DLGAP2: variants seen among roughly 807,000 people sequenced by gnomAD.
The protein encoded by DLGAP2 is disks large-associated protein 2.
A neutral mutation model predicts 100.3 loss-of-function variants in DLGAP2; 26 were observed. The ratio of observed to expected loss-of-function variants is 0.26; its 90% CI spans 0.19 to 0.36. DLGAP2 has a LOEUF of 0.36. DLGAP2 is among the 10% of genes least tolerant of loss of function. DLGAP2 has a pLI of 1.00. For synonymous variants in DLGAP2, 886 were observed against 630.1 expected (o/e 1.41, Z -6.08); for missense variants, 1,858 against 1,453.2 (o/e 1.28, Z -4.53).
intron 3 of DLGAP2, among the ~76,000 whole-genome samples, chr8:1,424,914 A>C (rs1226881559): frequency 6.6e-6 from 1 of 152,208 alleles, no homozygotes. Context: ...GCAGAGCTTC[A>C]GTTTGGGAAG....
chr8:1,303,807 C>T (rs2117001919), intron 3 of DLGAP2, among the ~76,000 whole-genome samples: 1 of 152,260 alleles, frequency 6.6e-6, no homozygotes, highest in East Asian at 1.9e-4. Context: ...TCCAGCCCTG[C>T]GCTGCGCTGA....
intron 4 of DLGAP2, among the ~76,000 whole-genome samples, chr8:1,527,891 T>C (rs1398336418): frequency 6.6e-6 from 1 of 152,222 alleles, no homozygotes; most frequent in Non-Finnish European, 1.5e-5. Flanking sequence ...ACAGCTCATC[T>C]TTATGTTCAA....
intron 3 of DLGAP2, among the ~76,000 whole-genome samples, chr8:1,294,987 TGAG>T (rs972219960): frequency 3.9e-5 from 6 of 152,048 alleles, no homozygotes; most frequent in African/African-American, 1.4e-4. Context: ...AAACTTCACT[TGAG>T]GAAAAAAGGA....
chr8:1,413,850 G>C (rs1279359125), intron 3 of DLGAP2, among the ~76,000 whole-genome samples: 1 of 152,244 alleles, frequency 6.6e-6, no homozygotes, highest in Non-Finnish European at 1.5e-5. Flanking sequence ...CCTGAGAAGA[G>C]GCACGTGCAG....
chr8:1,302,105 C>T (rs1429736805), intron 3 of DLGAP2: 1 of 152,314 alleles, frequency 6.6e-6, no homozygotes, highest in Non-Finnish European at 1.5e-5. Flanking sequence ...GAAGCAGAAG[C>T]TCTATAAGTT....
At chr8:1,022,725 C>T (rs1197088676) in intron 2 of DLGAP2, among the ~76,000 whole-genome samples, 7 of 151,138 alleles carry the variant, frequency 4.6e-5, no homozygotes, top group Admixed American at 4.6e-4. Flanking sequence ...CAGTACCGTG[C>T]CGAGGTAGAT....
At chr8:1,481,767 C>T (rs1799103977) in intron 3 of DLGAP2, among the ~76,000 whole-genome samples, 1 of 152,118 alleles carries the variant, frequency 6.6e-6, no homozygotes, top group Non-Finnish European at 1.5e-5. Context: ...CATGAGTCAC[C>T]GCACCAGGCC....
chr8:767,585 GACCTC>G (rs1821248381), intron 1 of DLGAP2, among the ~76,000 whole-genome samples: 1 of 152,106 alleles, frequency 6.6e-6, no homozygotes, highest in African/African-American at 2.4e-5. Context: ...TCGAACTCCT[GACCTC>G]GTGATCCACG....
At chr8:1,429,359 G>C (rs779105632) in intron 3 of DLGAP2, among the ~76,000 whole-genome samples, 1 of 152,096 alleles carries the variant, frequency 6.6e-6, no homozygotes, top group Non-Finnish European at 1.5e-5. Context: ...ATTGGCCTCC[G>C]AATTAAACTT....
At chr8:783,508 C>G (rs1357564008) in intron 1 of DLGAP2, among the ~76,000 whole-genome samples, 1 of 152,204 alleles carries the variant, frequency 6.6e-6, no homozygotes, top group Admixed American at 6.5e-5. Flanking sequence ...TGTGACCTCA[C>G]CTTAGCACAG....
chr8:1,086,310 G>A (rs943400281), intron 2 of DLGAP2, among the ~76,000 whole-genome samples: 1 of 152,170 alleles, frequency 6.6e-6, no homozygotes, highest in African/African-American at 2.4e-5. Flanking sequence ...AATAGAAGTG[G>A]TAAGAGTGGG....
chr8:1,254,073 G>C (rs921872831), intron 2 of DLGAP2, among the ~76,000 whole-genome samples: 1 of 152,200 alleles, frequency 6.6e-6, no homozygotes, highest in Non-Finnish European at 1.5e-5. Flanking sequence ...GTCCCTCCTG[G>C]GGGCACTGAG....
intron 2 of DLGAP2, among the ~76,000 whole-genome samples, chr8:1,209,181 C>A (rs1181782634): frequency 6.6e-6 from 1 of 152,076 alleles, no homozygotes; most frequent in African/African-American, 2.4e-5. Flanking sequence ...CAAAAAAGAG[C>A]CTGCATAGCC....
At chr8:1,203,389 G>A (rs1797923058) in intron 2 of DLGAP2, among the ~76,000 whole-genome samples, 1 of 151,622 alleles carries the variant, frequency 6.6e-6, no homozygotes, top group Non-Finnish European at 1.5e-5. Context: ...CGGTGACGAG[G>A]CCGCCCACCC....
chr8:840,449 G>C (rs1796959980), intron 1 of DLGAP2, among the ~76,000 whole-genome samples: 1 of 133,494 alleles, frequency 7.5e-6, no homozygotes, highest in Non-Finnish European at 1.6e-5. Flanking sequence ...TCTGGATTCT[G>C]GGAGCGCGTC....
chr8:770,588 G>A (rs1379824545), intron 1 of DLGAP2, among the ~76,000 whole-genome samples: 3 of 152,174 alleles, frequency 2.0e-5, no homozygotes, highest in Non-Finnish European at 4.4e-5. Context: ...CAGTTTCTGT[G>A]GGCTCCGAAC....
intron 4 of DLGAP2, among the ~76,000 whole-genome samples, chr8:1,514,948 C>T (rs557735428): frequency 3.9e-5 from 6 of 151,986 alleles, no homozygotes; most frequent in Non-Finnish European, 7.4e-5. Flanking sequence ...GGCAGGAGCA[C>T]GCAGGGAGAC....
intron 2 of DLGAP2, among the ~76,000 whole-genome samples, chr8:912,231 A>G (rs1798499589): frequency 6.6e-6 from 1 of 152,234 alleles, no homozygotes; most frequent in Admixed American, 6.5e-5. Context: ...ATGCGGGAGT[A>G]CTATGTTTGG....
At chr8:792,154 C>T (rs778346492) in intron 1 of DLGAP2, among the ~76,000 whole-genome samples, 51 of 152,280 alleles carry the variant, frequency 3.3e-4, no homozygotes, top group Non-Finnish European at 6.5e-4. Flanking sequence ...AGAGGCTGAA[C>T]AAGCTGACAT....
Sources: gnomAD v4.1 joint callset for allele counts (sites outside exome capture counted in the v4.1 genomes callset) on GRCh38, gnomAD v4.1.1 for gene constraint, MANE v1.5 for transcripts, NCBI Gene and HGNC (gene_info 2026-07-23, HGNC 2026-07-21) for gene names.